UMAD1: variants seen among roughly 807,000 people sequenced by gnomAD.
UMAD1 encodes the protein UBAP1-MVB12-associated (UMA)-domain containing protein 1.
In UMAD1, 8 loss-of-function variants were observed where a neutral mutation model predicts 6.1. The observed-to-expected ratio is 1.30, with a 90% CI of 0.76 to 2.35. UMAD1 has a LOEUF of 2.35. UMAD1 is among the 30% of genes most tolerant of loss of function. The pLI is 0.00. For synonymous variants in UMAD1, 56 were observed against 31.4 expected (o/e 1.78, Z -2.61); for missense variants, 130 against 78.4 (o/e 1.66, Z -2.49).
intron 2 of UMAD1, among the ~76,000 whole-genome samples, chr7:7,681,193 G>T (rs575515108): frequency 6.6e-6 from 1 of 152,206 alleles, no homozygotes; most frequent in South Asian, 2.1e-4. Flanking sequence ...TTCTAGAAAG[G>T]TCAGAGTAAA....
intron 2 of UMAD1, among the ~76,000 whole-genome samples, chr7:7,720,487 T>C (rs1781022740): frequency 6.6e-6 from 1 of 152,156 alleles, no homozygotes; most frequent in African/African-American, 2.4e-5. Context: ...CAGACTACTG[T>C]AGTATTATGG....
chr7:7,717,907 T>C (rs1258090683), intron 2 of UMAD1, among the ~76,000 whole-genome samples: 1 of 152,228 alleles, frequency 6.6e-6, no homozygotes, highest in Non-Finnish European at 1.5e-5. Context: ...TTACCAAACT[T>C]TTCTATTAAT....
At chr7:7,735,306 G>A (rs1230964288) in intron 2 of UMAD1, among the ~76,000 whole-genome samples, 1 of 152,096 alleles carries the variant, frequency 6.6e-6, no homozygotes, top group Non-Finnish European at 1.5e-5. Context: ...AATATGTGCA[G>A]ATACACACAT....
At chr7:7,853,078 A>G (rs1483485045) in intron 3 of UMAD1, among the ~76,000 whole-genome samples, 1 of 152,206 alleles carries the variant, frequency 6.6e-6, no homozygotes, top group African/African-American at 2.4e-5. Context: ...GCACCCCGAC[A>G]TTATATAACA....
intron 2 of UMAD1, among the ~76,000 whole-genome samples, chr7:7,694,989 T>C (rs555002945): frequency 6.6e-6 from 1 of 152,346 alleles, no homozygotes; most frequent in African/African-American, 2.4e-5. Flanking sequence ...GTTGTACTAA[T>C]TTACATTCCC....
chr7:7,820,160 GAGTTACTAATACAGAA>G (rs1224047274), intron 3 of UMAD1, among the ~76,000 whole-genome samples: 1 of 118,642 alleles, frequency 8.4e-6, no homozygotes, highest in African/African-American at 3.0e-5. Context: ...AAGGGTTAAG[GAGTTACTAATACAGAA>G]AGATGGTGAT....
At chr7:7,734,088 G>T (rs1236122088) in intron 2 of UMAD1, among the ~76,000 whole-genome samples, 1 of 151,922 alleles carries the variant, frequency 6.6e-6, no homozygotes, top group East Asian at 1.9e-4. Context: ...TTAAACTTTT[G>T]ATGTTTTTGA....
Position 7,811,435 on chromosome 7 carries a change from T to C in UMAD1, c.156+9692T>C, listed in dbSNP as rs566944295. Among the ~76,000 whole-genome samples the C allele has an allele frequency of 2.0e-5, 3 of 152,324 alleles. No homozygotes were observed. In the South Asian group the frequency reaches 6.2e-4, roughly 32 times the overall value. On this transcript the variant is annotated intron_variant, in intron 3 of 3. Transcript: ENST00000682710. ...TAGAATGCATTTCTCCAACCTTTAT[T>C]TTCATCTGAATTGCTGGGTCATATA... is the stretch of plus-strand genomic sequence containing the variant.
chr7:7,648,995 TA>T, intron 1 of UMAD1, among the ~76,000 whole-genome samples: 1 of 151,624 alleles, frequency 6.6e-6, no homozygotes, highest in Non-Finnish European at 1.5e-5. Flanking sequence ...CTGTCTCTAC[TA>T]AAAGTACAAA....
chr7:7,706,655 C>T (rs773645051), intron 2 of UMAD1, among the ~76,000 whole-genome samples: 3 of 152,104 alleles, frequency 2.0e-5, no homozygotes, highest in Non-Finnish European at 4.4e-5. Context: ...TACATAAGAA[C>T]TCTAAGAACT....
chr7:7,689,161 A>C (rs1175648681), intron 2 of UMAD1, among the ~76,000 whole-genome samples: 1 of 152,100 alleles, frequency 6.6e-6, no homozygotes, highest in Non-Finnish European at 1.5e-5. Context: ...CTTGCCAGTG[A>C]TTGGCTTAGG....
chr7:7,858,781 G>T (rs188677548), intron 3 of UMAD1, among the ~76,000 whole-genome samples: 1 of 152,064 alleles, frequency 6.6e-6, no homozygotes, highest in East Asian at 1.9e-4. Context: ...GTTAGCAGAC[G>T]GATTATGCTC....
chr7:7,771,726 A>T lies in UMAD1; in HGVS notation c.83-29944A>T, dbSNP rs145312358. On this transcript the variant is annotated intron_variant, in intron 2 of 3. Transcript: ENST00000682710. ...TAGAGCAATCAAATAATTCATCCAA[A>T]GCCACTGAGGGCATGGTTTGGCCTC... 8.5e-4 allele frequency among the ~76,000 whole-genome samples: 130 copies of T among 152,282 alleles called. 2 individuals carry two copies. The East Asian group carries it at 0.018, about 21-fold the overall frequency.
intron 3 of UMAD1, among the ~76,000 whole-genome samples, chr7:7,855,745 G>C (rs1442534271): frequency 6.6e-6 from 1 of 152,166 alleles, no homozygotes. Flanking sequence ...TTCTGCAGAG[G>C]GTTTGAATTT....
intron 2 of UMAD1, among the ~76,000 whole-genome samples, chr7:7,750,342 C>T (rs1324063415): frequency 6.6e-6 from 1 of 152,134 alleles, no homozygotes; most frequent in East Asian, 1.9e-4. Context: ...CTTTGACTTC[C>T]TCATTATCAG....
chr7:7,858,731 G>A (rs950410566), intron 3 of UMAD1, among the ~76,000 whole-genome samples: 13 of 152,204 alleles, frequency 8.5e-5, no homozygotes, highest in African/African-American at 1.2e-4. Context: ...GGAAGTGTGT[G>A]AGGTTCTTCC....
intron 3 of UMAD1, among the ~76,000 whole-genome samples, chr7:7,842,351 G>A (rs1197337047): frequency 6.6e-6 from 1 of 151,798 alleles, no homozygotes; most frequent in African/African-American, 2.4e-5. Flanking sequence ...TTTATTTTTT[G>A]TTGTTGTATT....
intron 3 of UMAD1, among the ~76,000 whole-genome samples, chr7:7,834,887 C>T (rs535018759): frequency 1.3e-5 from 2 of 152,084 alleles, no homozygotes; most frequent in African/African-American, 4.8e-5. Context: ...AGGACACTTA[C>T]AATCAGGGCA....
intron 3 of UMAD1, among the ~76,000 whole-genome samples, chr7:7,856,998 C>T (rs749801473): frequency 6.6e-6 from 1 of 152,090 alleles, no homozygotes; most frequent in Non-Finnish European, 1.5e-5. Context: ...AGTTGATGAT[C>T]CCAGGTATTT....
Sources: allele counts gnomAD v4.1 joint callset (sites outside exome capture counted in the v4.1 genomes callset), GRCh38; gene constraint gnomAD v4.1.1; transcripts MANE v1.5; gene names NCBI Gene and HGNC (gene_info 2026-07-23, HGNC 2026-07-21).